The following C4orf50 variants were observed in gnomAD, a reference collection of about 807,000 sequenced individuals.
C4orf50 encodes uncharacterized protein C4orf50.
C4orf50 carries 80 observed loss-of-function variants against 77.2 expected under a neutral mutation model. That is an observed-to-expected ratio of 1.04 (90% CI 0.87 to 1.25). The LOEUF (loss-of-function observed/expected upper bound fraction) is 1.25. Ranked by LOEUF, C4orf50 falls within the 50% of genes most tolerant of loss-of-function variation. C4orf50 has a pLI of 0.00. For missense variants in C4orf50, 1,257 were observed against 1,152.9 expected (o/e 1.09, Z -1.31); for synonymous variants, 532 against 465.3 (o/e 1.14, Z -1.84).
chr4:5,988,452 G>T, exon 28 of C4orf50: 1 of 1,589,340 alleles, frequency 6.3e-7, no homozygotes. Context: ...CTGCTCCACT[G>T]ACATTTCCTT....
chr4:5,960,646 G>A, intron 33 of C4orf50, among the ~76,000 whole-genome samples: 1 of 152,212 alleles, frequency 6.6e-6, no homozygotes, highest in East Asian at 1.9e-4. Context: ...TTATGCTGCA[G>A]GGTTCAAGCC....
chr4:5,981,648 C>A (rs1720594639), intron 28 of C4orf50, among the ~76,000 whole-genome samples: 1 of 152,098 alleles, frequency 6.6e-6, no homozygotes, highest in South Asian at 2.1e-4. Flanking sequence ...AGGTGATCCA[C>A]CCGCCTCAGC....
At chr4:5,986,647 T>C (rs1301044319) in intron 28 of C4orf50, among the ~76,000 whole-genome samples, 1 of 151,572 alleles carries the variant, frequency 6.6e-6, no homozygotes, top group Non-Finnish European at 1.5e-5. Context: ...CAAGCAATTC[T>C]CCTGCCTCAG....
intron 7 of C4orf50, among the ~76,000 whole-genome samples, chr4:5,906,004 C>G (rs10937690): frequency 6.2e-4 from 94 of 151,914 alleles, no homozygotes; most frequent in African/African-American, 2.1e-3. Flanking sequence ...AAATGCAAGT[C>G]CCAGGTGCTG....
chr4:5,993,633 A>G (rs1470747220), intron 26 of C4orf50, among the ~76,000 whole-genome samples: 1 of 152,082 alleles, frequency 6.6e-6, no homozygotes, highest in Non-Finnish European at 1.5e-5. Context: ...CCTGGCCAAC[A>G]TGGCAAAACC....
At chr4:5,902,013 A>G (rs1006070745) in intron 7 of C4orf50, 1 of 152,168 alleles carries the variant, frequency 6.6e-6, no homozygotes, top group Non-Finnish European at 1.5e-5. Context: ...AATTTGGCCT[A>G]CTCTGTTCTC....
intron 30 of C4orf50, among the ~76,000 whole-genome samples, chr4:5,974,825 GGAGAAAACCTTTCTGA>G (rs141201813): frequency 0.049 from 7,513 of 152,224 alleles, 256 homozygotes; most frequent in Middle Eastern, 0.092. Context: ...CTAGATACGT[GGAGAAAACCTTTCTGA>G]GAAAACCTGT....
chr4:5,975,178 A>C (rs1302856595), intron 30 of C4orf50, among the ~76,000 whole-genome samples: 3 of 134,698 alleles, frequency 2.2e-5, no homozygotes, highest in African/African-American at 8.3e-5. Context: ...AAAAAAAAAA[A>C]CTACATCACA....
chr4:5,954,051 C>A (rs73069526), downstream of C4orf50, among the ~76,000 whole-genome samples: 1,314 of 152,360 alleles, frequency 8.6e-3, 12 homozygotes, highest in African/African-American at 0.029. This position sits in a 1 kb window ranked among gnomAD's most constrained non-coding sequence, Gnocchi z 4.7. Flanking sequence ...GCCTCTTTGG[C>A]TCCTGCTGCC....
chr4:5,996,654 C>T (rs531004277), intron 25 of C4orf50, among the ~76,000 whole-genome samples: 119 of 152,334 alleles, frequency 7.8e-4, no homozygotes, highest in African/African-American at 2.7e-3. Flanking sequence ...TCCTGTTGAT[C>T]TGTATGATGG....
Position 5,932,481 on chromosome 4 carries a change from G to T in C4orf50, c.*2474+24420C>A, listed in dbSNP as rs1169782287. The stretch of plus-strand genomic sequence containing the variant: ...CAGTGTTTGTTTGTTTTGGAGCCTG[G>T]CTGGAGTGCCGTGGCTCCATCACAG... On this transcript the variant is annotated intron_variant, in intron 7 of 7. Transcript: ENST00000324058. The surrounding 1 kb of genome is among the most constrained non-coding windows in gnomAD (Gnocchi z 4.2). Among the ~76,000 whole-genome samples the T allele has an allele frequency of 1.3e-5, 2 of 152,172 alleles. No individual in the cohort carries two copies. The highest frequency in any genetic ancestry group is 4.8e-5 in the African/African-American group (2 of 41,450).
chr4:5,983,337 C>T (rs1050430675), intron 28 of C4orf50, among the ~76,000 whole-genome samples: 33 of 152,218 alleles, frequency 2.2e-4, no homozygotes, highest in African/African-American at 8.0e-4. Context: ...CTTGTGACAG[C>T]TTCTCCAACC....
chr4:5,964,897 T>G, intron 33 of C4orf50, 127 bp downstream of exon 11: 16 of 744,680 alleles, frequency 2.1e-5, no homozygotes, highest in East Asian at 5.7e-5. Flanking sequence ...GTCGATTGTG[T>G]TCTATTTCTT....
chr4:5,900,143 G>C lies in C4orf50; in HGVS notation c.*2475-1955C>G, dbSNP rs1007419327. Reference sequence around the variant, plus strand: ...TAGAATTTCACCCTGGAACCAAAGGGGAACTGTGAATCTCTTAAAAGAAGC... The same window carrying C: ...TAGAATTTCACCCTGGAACCAAAGGCGAACTGTGAATCTCTTAAAAGAAGC... On this transcript the variant is annotated intron_variant, in intron 7 of 7. Coordinates refer to the C4orf50 transcript ENST00000324058. This position sits in a 1 kb window ranked among gnomAD's most constrained non-coding sequence, Gnocchi z 4.3. The C allele has an allele frequency of 6.6e-6, 1 of 152,098 alleles. No individual in the cohort carries two copies. The highest frequency in any genetic ancestry group is 1.5e-5 in the Non-Finnish European group (1 of 68,026). The allele number at this position is 152,098 out of a possible 1,614,324, so 9.4% of individuals were successfully genotyped here. A position where few individuals can be genotyped will look rare whatever the true frequency, so the allele number is the denominator to read the frequency against.
At chr4:5,917,798 CCAG>C in intron 7 of C4orf50, among the ~76,000 whole-genome samples, 2 of 152,200 alleles carry the variant, frequency 1.3e-5, no homozygotes, top group Admixed American at 1.3e-4. Context: ...ATCAAGCACT[CCAG>C]CATTTCAGCT....
intron 23 of C4orf50, among the ~76,000 whole-genome samples, chr4:6,016,719 G>T (rs1320838378): frequency 6.6e-6 from 1 of 152,110 alleles, no homozygotes; most frequent in East Asian, 1.9e-4. Flanking sequence ...GAGGGTAAGT[G>T]CGTTGCAGAA....
intron 7 of C4orf50, among the ~76,000 whole-genome samples, chr4:5,906,828 T>A (rs1208131588): frequency 6.6e-6 from 1 of 152,192 alleles, no homozygotes; most frequent in African/African-American, 2.4e-5. Context: ...AAATCCTTTT[T>A]TGAGGAAGGA....
At chr4:5,933,282 A>C (rs982574940) in intron 7 of C4orf50, among the ~76,000 whole-genome samples, 2 of 152,226 alleles carry the variant, frequency 1.3e-5, no homozygotes, top group Non-Finnish European at 2.9e-5. Context: ...ATGTTTGCTC[A>C]CTACCACCCC....
intron 7 of C4orf50, among the ~76,000 whole-genome samples, chr4:5,942,327 A>AC (rs1368671671): frequency 6.6e-6 from 1 of 152,136 alleles, no homozygotes; most frequent in Non-Finnish European, 1.5e-5. Context: ...GTCATACAGG[A>AC]CCCAAAGGGG....
Sources: gnomAD v4.1 joint callset for allele counts (sites outside exome capture counted in the v4.1 genomes callset) on GRCh38, gnomAD v4.1.1 for gene constraint, Gnocchi (gnomAD v3.1) non-coding constraint, MANE v1.5 for transcripts, NCBI Gene and HGNC (gene_info 2026-07-23, HGNC 2026-07-21) for gene names.